BAZ2B: variants seen among roughly 807,000 people sequenced by gnomAD.
The protein encoded by BAZ2B is bromodomain adjacent to zinc finger domain 2B, also known as bromodomain adjacent to zinc finger domain protein 2B.
Under a neutral mutation model 246.0 loss-of-function variants are expected in BAZ2B, and 91 were observed. That is an observed-to-expected ratio of 0.37 (90% confidence interval 0.31 to 0.44). The LOEUF is 0.44. Ranked by LOEUF, BAZ2B falls within the 20% of genes least tolerant of loss-of-function variation. The pLI is 1.00. For synonymous variants in BAZ2B, 855 were observed against 860.0 expected (o/e 0.99, Z 0.10); for missense variants, 2,332 against 2,533.7 (o/e 0.92, Z 1.71).
At chr2:159,383,744 T>C (rs1449011059) in intron 23 of BAZ2B, 64 bp from the exon 24 acceptor site, 3 of 1,378,940 alleles carry the variant, frequency 2.2e-6, no homozygotes, top group African/African-American at 2.9e-5. Flanking sequence ...ATTAATTTGA[T>C]ATGCAATAAA....
intron 2 of BAZ2B, among the ~76,000 whole-genome samples, chr2:159,532,640 A>T (rs1322707171): frequency 6.6e-6 from 1 of 152,206 alleles, no homozygotes; most frequent in Non-Finnish European, 1.5e-5. Context: ...ATCTCTAAGT[A>T]CTTATGTTAA....
chr2:159,603,987 T>C (rs1343667306), intron 1 of BAZ2B, among the ~76,000 whole-genome samples: 1 of 152,346 alleles, frequency 6.6e-6, no homozygotes, highest in South Asian at 2.1e-4. Context: ...CTGTGAATAA[T>C]AGAATTTTGA....
chr2:159,421,331 T>C (rs942243399), intron 13 of BAZ2B, among the ~76,000 whole-genome samples: 4 of 152,046 alleles, frequency 2.6e-5, no homozygotes, highest in African/African-American at 7.2e-5. Context: ...TGCAGCACCA[T>C]GCCCAGGTAA....
At chr2:159,467,820 G>C (rs1272218225) in intron 3 of BAZ2B, among the ~76,000 whole-genome samples, 1 of 152,152 alleles carries the variant, frequency 6.6e-6, no homozygotes, top group East Asian at 1.9e-4. Flanking sequence ...GTTTAGTCTG[G>C]ACCAATGGTT....
At chr2:159,660,912 A>G in the BAZ2B span, among the ~76,000 whole-genome samples, 1 of 152,188 alleles carries the variant, frequency 6.6e-6, no homozygotes, top group Non-Finnish European at 1.5e-5. Context: ...TAATATTTTT[A>G]TTTTAAAAAT....
At chr2:159,439,245 A>G (rs1467817671) in intron 6 of BAZ2B, 33 bp from the exon 7 acceptor site, 3 of 1,556,572 alleles carry the variant, frequency 1.9e-6, no homozygotes, top group South Asian at 1.2e-5. Context: ...GCAAGACTTT[A>G]TTTTTGGAAA....
intron 4 of BAZ2B, among the ~76,000 whole-genome samples, chr2:159,452,064 A>G (rs949897156): frequency 2.6e-5 from 4 of 152,286 alleles, no homozygotes; most frequent in African/African-American, 9.6e-5. Context: ...ATAAATTCCT[A>G]TTAATATTTT....
intron 1 of BAZ2B, among the ~76,000 whole-genome samples, chr2:159,602,992 CCGGGCATGGTGGCATG>C (rs1237666381): frequency 6.6e-6 from 1 of 152,118 alleles, no homozygotes; most frequent in Admixed American, 6.5e-5. Context: ...CAAAAATTAG[CCGGGCATGGTGGCATG>C]TGCCACTAGT....
In BAZ2B at chr2:159,349,122, A is replaced by G; in HGVS notation, c.5022T>C (p.Ala1674=). 2 of 1,614,058 alleles carry G rather than the reference A, an allele frequency of 1.2e-6. No individual in the cohort carries two copies. The highest frequency in any genetic ancestry group is 2.2e-5 in the South Asian group (2 of 91,082). The change falls in exon 29 of 37, where the codon GCT becomes GCC. Residue 1674 remains alanine, a synonymous_variant. Transcript: ENST00000392783. ...GTACTGGAGATTCACTTTTACTTGA[A>G]GCAACATTGGAAGTCAAGAATGAAT... The part of the protein sequence containing the change: ...NGNSFLTSNV[A]SSKSESPVPQ...
intron 1 of BAZ2B, among the ~76,000 whole-genome samples, chr2:159,574,130 CACACACACACAT>C (rs1328871536): frequency 8.3e-5 from 9 of 108,434 alleles, no homozygotes; most frequent in South Asian, 3.7e-4. Context: ...GACACACACA[CACACACACACAT>C]ACACACACAC....
intron 3 of BAZ2B, chr2:159,462,731 G>A: frequency 1.4e-6 from 2 of 1,420,314 alleles, no homozygotes; most frequent in South Asian, 2.3e-5. Context: ...CTTCCACTCT[G>A]ATCTCCAACG....
chr2:159,412,681 T>C (rs1194307117), intron 13 of BAZ2B, 136 bp from the exon 14 acceptor site: 1 of 771,896 alleles, frequency 1.3e-6, no homozygotes, highest in Admixed American at 2.9e-5. Flanking sequence ...AGGAATTTCA[T>C]TTTTAAATTA....
At chr2:159,701,451 T>C in the BAZ2B span, among the ~76,000 whole-genome samples, 3 of 151,806 alleles carry the variant, frequency 2.0e-5, no homozygotes, top group Admixed American at 2.0e-4. Context: ...TCCTTTTTTT[T>C]AGATACAGGT....
intron 27 of BAZ2B, among the ~76,000 whole-genome samples, chr2:159,358,798 G>T (rs1028296897): frequency 6.6e-6 from 1 of 152,082 alleles, no homozygotes; most frequent in African/African-American, 2.4e-5. Flanking sequence ...AGAACTCAGG[G>T]TTAAGAAACT....
the BAZ2B span, among the ~76,000 whole-genome samples, chr2:159,682,255 C>A: frequency 6.7e-6 from 1 of 149,028 alleles, no homozygotes; most frequent in Non-Finnish European, 1.5e-5. Context: ...CGCAGAGGCT[C>A]ACTGTAGCCT....
chr2:159,684,655 T>C, the BAZ2B span, among the ~76,000 whole-genome samples: 1 of 152,188 alleles, frequency 6.6e-6, no homozygotes, highest in Non-Finnish European at 1.5e-5. Flanking sequence ...GATCAGACCA[T>C]ACACTGTAAC....
the BAZ2B span, among the ~76,000 whole-genome samples, chr2:159,659,472 G>A: frequency 6.6e-6 from 1 of 152,284 alleles, no homozygotes; most frequent in Middle Eastern, 3.4e-3. Context: ...CTCATTTCCA[G>A]GTCTCCCAAG....
the BAZ2B span, among the ~76,000 whole-genome samples, chr2:159,658,292 GT>G: frequency 3.3e-5 from 5 of 151,882 alleles, no homozygotes; most frequent in African/African-American, 7.3e-5. Context: ...GTATATAATT[GT>G]TTTTGTGCAC....
At chr2:159,413,110 G>A (rs532347903) in intron 13 of BAZ2B, among the ~76,000 whole-genome samples, 1 of 152,304 alleles carries the variant, frequency 6.6e-6, no homozygotes, top group East Asian at 1.9e-4. Context: ...TCAGCCTCCT[G>A]ATGGAGGCTC....
Sources: allele counts gnomAD v4.1 joint callset (sites outside exome capture counted in the v4.1 genomes callset), GRCh38; gene constraint gnomAD v4.1.1; transcripts MANE v1.5; gene names NCBI Gene and HGNC (gene_info 2026-07-23, HGNC 2026-07-21).